Variants in AARS1 observed in about 807,000 individuals in gnomAD.
AARS1 encodes alanyl-tRNA synthetase 1, also known as alanine--tRNA ligase, cytoplasmic.
AARS1 carries 72 observed loss-of-function variants against 108.9 expected under a neutral mutation model. That is an observed-to-expected ratio of 0.66 (90% CI 0.55 to 0.80). The LOEUF (loss-of-function observed/expected upper bound fraction) is 0.80, where lower values mean the gene tolerates loss of function less well. AARS1 is among the 30% of genes least tolerant of loss of function. The pLI, the probability that AARS1 is intolerant of heterozygous loss-of-function variation, is 0.00. For synonymous variants in AARS1, 489 were observed against 465.7 expected (o/e 1.05, Z -0.64); for missense variants, 1,193 against 1,233.2 (o/e 0.97, Z 0.49).
chr16:70,281,399 C>T (rs934487791), intron 2 of AARS1, among the ~76,000 whole-genome samples: 1 of 152,128 alleles, frequency 6.6e-6, no homozygotes, highest in Non-Finnish European at 1.5e-5. Flanking sequence ...GGCAAGGTGG[C>T]TCACGTCTAT....
In AARS1 at chr16:70,278,399, C is replaced by G. The variant is rs910501716; in HGVS notation, c.145-1245G>C. Among the ~76,000 whole-genome samples, 204 of 151,842 alleles carry G rather than the reference C, an allele frequency of 1.3e-3. 1 individual carries two copies. The highest frequency in any genetic ancestry group is 4.8e-3 in the African/African-American group (199 of 41,456). ...TGACCAACATGGAGAAACCCTGTCT[C>G]CACTAAAAATGCAAAATTAGCCAGC... On this transcript the variant is annotated intron_variant, in intron 2 of 20. Coordinates refer to ENST00000261772, the MANE Select transcript of AARS1 (RefSeq NM_001605.3).
chr16:70,274,731 G>T (rs1221736331), intron 4 of AARS1, among the ~76,000 whole-genome samples: 1 of 151,168 alleles, frequency 6.6e-6, no homozygotes, highest in African/African-American at 2.4e-5. Context: ...TCTCGGCGGG[G>T]GTGGGGGAGT....
At chr16:70,287,304 T>C (rs559683026) in intron 1 of AARS1, among the ~76,000 whole-genome samples, 2 of 146,024 alleles carry the variant, frequency 1.4e-5, no homozygotes, top group Non-Finnish European at 3.0e-5. Context: ...AGCGGGCGCC[T>C]GTAATCCCAG....
intron 1 of AARS1, among the ~76,000 whole-genome samples, chr16:70,284,702 G>T (rs534319117): frequency 6.6e-6 from 1 of 152,284 alleles, no homozygotes; most frequent in African/African-American, 2.4e-5. Context: ...CTGATCACTG[G>T]CATGGTGCTG....
At chr16:70,279,073 C>T (rs1268768879) in intron 2 of AARS1, among the ~76,000 whole-genome samples, 9 of 152,206 alleles carry the variant, frequency 5.9e-5, no homozygotes, top group Admixed American at 4.6e-4. Context: ...TTTACAAGGC[C>T]GGGCGTGGTG....
chr16:70,284,185 AG>A (rs1960782938), intron 1 of AARS1, among the ~76,000 whole-genome samples: 1 of 152,116 alleles, frequency 6.6e-6, no homozygotes, highest in African/African-American at 2.4e-5. Context: ...AGGCGCCTGT[AG>A]TCCCAGCTAC....
Position 70,253,895 on chromosome 16 carries a change from G to C in AARS1, c.2520+24C>G, listed in dbSNP as rs1041532704. Reference sequence around the variant, plus strand: ...CAGCCTTTGCCTAGGAAACACTCTGGCCACTGGTGCTGCCAGGACTCACTC... The same window carrying C: ...CAGCCTTTGCCTAGGAAACACTCTGCCCACTGGTGCTGCCAGGACTCACTC... On this transcript the variant is annotated intron_variant, in intron 18 of 20. Transcript: ENST00000261772. 1.2e-5 allele frequency: 19 copies of C among 1,614,044 alleles called. No individual in the cohort carries two copies. In the African/African-American group the frequency reaches 2.4e-4, roughly 20 times the overall value.
Position 70,270,312 on chromosome 16 carries a change from G to A in AARS1, c.700C>T (p.Pro234Ser), listed in dbSNP as rs141840552. The change falls in exon 6 of 21, where the codon CCC (proline) becomes TCC (serine). Residue 234 changes from proline to serine, a missense_variant. Physicochemically the swap from Pro to Ser is moderately conservative, Grantham distance 74. Transcript: ENST00000261772. ...ATCCCTGTGTCAATGCTTTTCTTGG[G>A]AAGAGGTTTCAGAATGCCATCAGCT... ...READGILKPL[P>S]KKSIDTGMGL... 1.6e-3 allele frequency: 2,557 copies of A among 1,614,158 alleles called. 6 individuals carry two copies. The highest frequency in any genetic ancestry group is 8.6e-3 in the Middle Eastern group (52 of 6,062).
intron 10 of AARS1, 123 bp downstream of exon 10, chr16:70,265,415 C>G (rs745471132): frequency 6.1e-6 from 9 of 1,466,850 alleles, no homozygotes; most frequent in Non-Finnish European, 8.6e-6. Context: ...ACTTGAGAAC[C>G]ACTGATCTAG....
intron 2 of AARS1, among the ~76,000 whole-genome samples, chr16:70,281,498 T>G (rs995270937): frequency 6.6e-6 from 1 of 152,078 alleles, no homozygotes; most frequent in African/African-American, 2.4e-5. Flanking sequence ...AAACCCCGTC[T>G]CTACTAAAAA....
chr16:70,270,472 G>A (rs1008523966), intron 5 of AARS1, 132 bp from the exon 6 acceptor site: 1 of 1,098,690 alleles, frequency 9.1e-7, no homozygotes, highest in Non-Finnish European at 1.4e-6. Context: ...GGTTTGGTGG[G>A]AAGAGGGAAG....
At chr16:70,279,826 C>T (rs182383277) in intron 2 of AARS1, among the ~76,000 whole-genome samples, 3 of 152,176 alleles carry the variant, frequency 2.0e-5, no homozygotes, top group Admixed American at 6.6e-5. Flanking sequence ...TGAATGAGAC[C>T]ACCTAAAATT....
At chr16:70,267,116 G>T (rs1482185228) in intron 9 of AARS1, among the ~76,000 whole-genome samples, 1 of 152,190 alleles carries the variant, frequency 6.6e-6, no homozygotes, top group Non-Finnish European at 1.5e-5. Context: ...GATTACAGGT[G>T]TGAGCCACCA....
At chr16:70,258,416 CTG>C (rs1001940218) in intron 14 of AARS1, among the ~76,000 whole-genome samples, 199 bp from the exon 15 acceptor site, 1 of 152,226 alleles carries the variant, frequency 6.6e-6, no homozygotes, top group Non-Finnish European at 1.5e-5. Context: ...TTTTGTTAAA[CTG>C]TGGACCAAAT....
chr16:70,269,558 G>A, intron 7 of AARS1, 60 bp downstream of exon 7: 1 of 1,605,220 alleles, frequency 6.2e-7, no homozygotes, highest in Non-Finnish European at 8.5e-7. Flanking sequence ...GTTTCATAAA[G>A]AGTCACACAT....
At chr16:70,283,636 G>C (rs958891143) in intron 1 of AARS1, among the ~76,000 whole-genome samples, 9 of 152,156 alleles carry the variant, frequency 5.9e-5, no homozygotes, top group Non-Finnish European at 1.0e-4. Context: ...TAGCCCCAAA[G>C]TCAGGGTCTC....
intron 1 of AARS1, among the ~76,000 whole-genome samples, chr16:70,287,968 T>C (rs1960895575): frequency 6.6e-6 from 1 of 152,096 alleles, no homozygotes; most frequent in Non-Finnish European, 1.5e-5. Flanking sequence ...TTTCTCCATG[T>C]TGGTCAGGCT....
chr16:70,282,561 T>A, intron 2 of AARS1, 59 bp downstream of exon 2: 10 of 1,602,838 alleles, frequency 6.2e-6, no homozygotes, highest in Non-Finnish European at 8.5e-6. Flanking sequence ...TGTGCTTTTA[T>A]CTGGGCTCTG....
chr16:70,263,441 C>T (rs191087679), intron 11 of AARS1, among the ~76,000 whole-genome samples: 1 of 150,816 alleles, frequency 6.6e-6, no homozygotes, highest in East Asian at 2.0e-4. Flanking sequence ...TGTGGTGGCA[C>T]ATGCCTGTAA....
Sources: allele counts gnomAD v4.1 joint callset (sites outside exome capture counted in the v4.1 genomes callset), GRCh38; gene constraint gnomAD v4.1.1; transcripts MANE v1.5; gene names NCBI Gene and HGNC (gene_info 2026-07-23, HGNC 2026-07-21).